ENTPD1: variants seen among roughly 807,000 people sequenced by gnomAD.
The protein encoded by ENTPD1 is ectonucleoside triphosphate diphosphohydrolase 1, also known as ATP diphosphohydrolase.
In ENTPD1, 33 loss-of-function variants were observed where a neutral mutation model predicts 57.0. That is an observed-to-expected ratio of 0.58 (90% CI 0.44 to 0.77). ENTPD1 has a LOEUF of 0.77. Ranked by LOEUF, ENTPD1 falls within the 30% of genes least tolerant of loss-of-function variation. The probability of loss-of-function intolerance (pLI) is 0.00; values close to 1 mark genes in which losing one functional copy is unlikely to be tolerated. For synonymous variants in ENTPD1, 202 were observed against 218.8 expected (o/e 0.92, Z 0.68); for missense variants, 501 against 603.4 (o/e 0.83, Z 1.78).
chr10:95,716,177 A>G (rs748302175), intron 1 of ENTPD1, among the ~76,000 whole-genome samples: 140 of 152,278 alleles, frequency 9.2e-4, no homozygotes, highest in Non-Finnish European at 1.5e-3. Flanking sequence ...ATTTTTAAGT[A>G]TATTTTTAAA....
chr10:95,825,067 GCTGTC>G (rs1354237473), intron 2 of ENTPD1, among the ~76,000 whole-genome samples: 1 of 152,188 alleles, frequency 6.6e-6, no homozygotes, highest in Admixed American at 6.5e-5. Flanking sequence ...AACCAGATGT[GCTGTC>G]CAATTTGATA....
At chr10:95,772,059 T>C (rs1339361584) in intron 1 of ENTPD1, among the ~76,000 whole-genome samples, 1 of 152,230 alleles carries the variant, frequency 6.6e-6, no homozygotes, top group Non-Finnish European at 1.5e-5. Flanking sequence ...ACAATAGCAT[T>C]ATGTTTAAAA....
intron 2 of ENTPD1, among the ~76,000 whole-genome samples, chr10:95,832,738 A>C (rs1444652997): frequency 6.6e-6 from 1 of 152,196 alleles, no homozygotes; most frequent in East Asian, 1.9e-4. Context: ...TTTCTAGCCG[A>C]GACTTTGGGC....
At chr10:95,710,022 C>G (rs991829575), upstream of ENTPD1, among the ~76,000 whole-genome samples, 2 of 152,116 alleles carry the variant, frequency 1.3e-5, no homozygotes, top group Non-Finnish European at 1.5e-5. Context: ...GATCCACCCC[C>G]CTCGGCCTCC....
At chr10:95,804,247 A>C (rs1359470232) in intron 1 of ENTPD1, among the ~76,000 whole-genome samples, 1 of 152,198 alleles carries the variant, frequency 6.6e-6, no homozygotes, top group Non-Finnish European at 1.5e-5. Context: ...GAAGAAAGTC[A>C]TTGGTAGCTT....
intron 1 of ENTPD1, among the ~76,000 whole-genome samples, chr10:95,748,168 C>G (rs1327745698): frequency 6.6e-6 from 1 of 152,100 alleles, no homozygotes; most frequent in East Asian, 1.9e-4. Context: ...CCACCGCACC[C>G]GGCCCAAATT....
chr10:95,876,473 A>G lies in ENTPD1; in HGVS notation c.*10090A>G, dbSNP rs2098485902. Reference sequence around the variant, plus strand: ...TAATTGTAATCAATAGCTTAAAAATATGTCTCTCTGTCCTATTCTGTATCT... The same window carrying G: ...TAATTGTAATCAATAGCTTAAAAATGTGTCTCTCTGTCCTATTCTGTATCT... On this transcript the variant is annotated 3_prime_UTR_variant, in exon 10 of 10. Transcript: ENST00000371205. The G allele has an allele frequency of 8.1e-7, 1 of 1,231,274 alleles. No homozygotes were observed. The highest frequency in any genetic ancestry group is 4.2e-5 in the Admixed American group (1 of 23,692). The allele number at this position is 1,231,274 out of a possible 1,614,324, so 76.3% of individuals were successfully genotyped here.
rs556703467 is a variant in ENTPD1 at position 95,876,189 on chromosome 10, G to A, written c.*9806G>A. 1.2e-5 allele frequency: 12 copies of A among 982,338 alleles called. No individual in the cohort carries two copies. In the East Asian group the frequency reaches 1.4e-3, roughly 112 times the overall value. 60.9% of individuals were successfully genotyped at this position (982,338 alleles called of 1,614,324 possible). The stretch of plus-strand genomic sequence containing the variant: ...GTACTCCACATTGTCAGTTTTCTTA[G>A]GTATATTTATAAATACTCCTATAAA... On this transcript the variant is annotated 3_prime_UTR_variant, in exon 10 of 10. Transcript: ENST00000371205.
In ENTPD1 at chr10:95,725,299, ATC is replaced by A. The variant is rs1237946207; in HGVS notation, c.37+13310_37+13311del. ...TTTAACATCATAATAACTTCTTGAA[ATC>A]TCTGCTAAATCCTATATATCTGGCC... On this transcript the variant is annotated intron_variant, in intron 1 of 9. Coordinates refer to the ENTPD1 transcript ENST00000453258. Among the ~76,000 whole-genome samples, 8 of 152,192 alleles carry A rather than the reference ATC, an allele frequency of 5.3e-5. No individual in the cohort carries two copies. In the South Asian group the frequency reaches 1.7e-3, roughly 32 times the overall value.
intron 7 of ENTPD1, among the ~76,000 whole-genome samples, chr10:95,856,679 C>G (rs929880278): frequency 7.0e-6 from 1 of 142,066 alleles, no homozygotes; most frequent in Non-Finnish European, 1.6e-5. Flanking sequence ...TATACACACA[C>G]ATAAATGTAT....
chr10:95,849,013 G>A (rs1404095076), intron 7 of ENTPD1, among the ~76,000 whole-genome samples: 1 of 152,044 alleles, frequency 6.6e-6, no homozygotes, highest in Non-Finnish European at 1.5e-5. Flanking sequence ...CACAGCTGAG[G>A]GTTTTCCTCT....
At chr10:95,824,538 T>G (rs912819504) in intron 2 of ENTPD1, among the ~76,000 whole-genome samples, 1 of 152,270 alleles carries the variant, frequency 6.6e-6, no homozygotes, top group Non-Finnish European at 1.5e-5. Flanking sequence ...CCTTTTAATG[T>G]TGACTGATGT....
chr10:95,704,549 G>A, the ENTPD1 span, among the ~76,000 whole-genome samples: 1 of 152,152 alleles, frequency 6.6e-6, no homozygotes, highest in Admixed American at 6.5e-5. Flanking sequence ...TGAGGAAAGG[G>A]TGATTTTGTC....
chr10:95,721,317 G>T (rs1235475065), intron 1 of ENTPD1, among the ~76,000 whole-genome samples: 1 of 152,180 alleles, frequency 6.6e-6, no homozygotes, highest in East Asian at 1.9e-4. Context: ...CCCAATGAGG[G>T]TTTACACTGG....
At chr10:95,845,164 G>A (rs572952971) in intron 5 of ENTPD1, among the ~76,000 whole-genome samples, 193 bp from the exon 6 acceptor site, 4 of 152,278 alleles carry the variant, frequency 2.6e-5, no homozygotes, top group South Asian at 2.1e-4. Flanking sequence ...TTCTATGTCC[G>A]GCAGTCTGAG....
chr10:95,752,806 A>G (rs1477023266), upstream of ENTPD1, among the ~76,000 whole-genome samples: 1 of 152,212 alleles, frequency 6.6e-6, no homozygotes. Context: ...TGCTGGGGTT[A>G]CACGGTGAGC....
intron 3 of ENTPD1, 82 bp from the exon 4 acceptor site, chr10:95,842,262 C>T (rs1467290957): frequency 1.5e-5 from 19 of 1,289,512 alleles, no homozygotes; most frequent in Admixed American, 1.9e-5. Flanking sequence ...TTTTTCAAAA[C>T]ACCATATTTT....
chr10:95,818,734 A>C (rs2098338479), intron 1 of ENTPD1, among the ~76,000 whole-genome samples: 1 of 152,196 alleles, frequency 6.6e-6, no homozygotes, highest in African/African-American at 2.4e-5. Flanking sequence ...AGAAGAAGGA[A>C]GGTAGCAGGG....
At chr10:95,724,544 G>A (rs1280412459) in intron 1 of ENTPD1, among the ~76,000 whole-genome samples, 1 of 152,186 alleles carries the variant, frequency 6.6e-6, no homozygotes, top group Non-Finnish European at 1.5e-5. Context: ...TCATGGAAGA[G>A]AACCATGGAA....
Sources: gnomAD v4.1 joint callset for allele counts (sites outside exome capture counted in the v4.1 genomes callset) on GRCh38, gnomAD v4.1.1 for gene constraint, MANE v1.5 for transcripts, NCBI Gene and HGNC (gene_info 2026-07-23, HGNC 2026-07-21) for gene names.